CDIN1: variants seen among roughly 807,000 people sequenced by gnomAD.
CDIN1 encodes CDAN1 interacting nuclease 1.
CDIN1 carries 33 observed loss-of-function variants against 45.3 expected under a neutral mutation model. That is an observed-to-expected ratio of 0.73 (90% CI 0.55 to 0.97). The LOEUF is 0.97. CDIN1 is among the 50% of genes least tolerant of loss of function. The pLI, the probability that CDIN1 is intolerant of heterozygous loss-of-function variation, is 0.00. For synonymous variants in CDIN1, 118 were observed against 124.4 expected, an observed-to-expected ratio of 0.95 and a Z score of 0.34; for missense variants, 303 against 339.4, an observed-to-expected ratio of 0.89 and a Z score of 0.84.
rs147917175 is a variant in CDIN1, at chr15:36,618,983, C to T, written c.102-25295C>T. 170 of 1,535,964 alleles carry T rather than the reference C, an allele frequency of 1.1e-4. No individual in the cohort carries two copies. The African/African-American group carries it at 1.9e-3, about 17-fold the overall frequency. ...GTGTGCCAGAAGCCCCCTAAAGAGCCATCTTCAGTTCTTGTGTAGCCACTA... is the reference window on the plus strand; with the variant it reads ...GTGTGCCAGAAGCCCCCTAAAGAGCTATCTTCAGTTCTTGTGTAGCCACTA... On this transcript the variant is annotated intron_variant, in intron 1 of 10. Transcript: ENST00000566621.
rs985918739 is a variant in CDIN1, at chr15:36,692,228, GGA to G, written c.476+56_476+57del. 2.0e-6 allele frequency: 3 copies of G among 1,512,488 alleles called. No individual in the cohort carries two copies. In the African/African-American group the frequency reaches 4.1e-5, roughly 21 times the overall value. 93.7% of individuals were successfully genotyped at this position (1,512,488 alleles called of 1,614,324 possible). On this transcript the variant is annotated intron_variant, in intron 7 of 10. Coordinates refer to ENST00000566621, the MANE Select transcript of CDIN1 (RefSeq NM_001321759.2). ...CGCAATTGACGAGCTTAGACTCAGT[GGA>G]GATGTGTCTAGCTTTAACCTGACAT...
chr15:36,758,995 T>C (rs1451152615), intron 10 of CDIN1, among the ~76,000 whole-genome samples: 1 of 152,150 alleles, frequency 6.6e-6, no homozygotes, highest in Non-Finnish European at 1.5e-5. Context: ...GTGAGAGTGG[T>C]TGGGATAGGG....
chr15:36,644,453 A>G (rs1595411610), intron 2 of CDIN1, 130 bp downstream of exon 2: 1 of 871,050 alleles, frequency 1.1e-6, no homozygotes, highest in Admixed American at 3.2e-5. Flanking sequence ...CACATCAAGC[A>G]CCGCCTGCGT....
intron 10 of CDIN1, among the ~76,000 whole-genome samples, chr15:36,736,780 C>G (rs1185250483): frequency 2.6e-5 from 4 of 152,198 alleles, no homozygotes; most frequent in African/African-American, 9.7e-5. Flanking sequence ...GTCTGACCTC[C>G]TCCTTTCCAG....
Position 36,579,897 on chromosome 15 carries a change from C to G in CDIN1, c.37C>G (p.Gln13Glu). The change falls in exon 1 of 11, where the codon CAG (glutamine) becomes GAG (glutamate). Residue 13 changes from glutamine (Q) to glutamate (E), a missense_variant. Physicochemically the swap from Gln to Glu is conservative, Grantham distance 29. Coordinates refer to ENST00000566621, the MANE Select transcript of CDIN1 (RefSeq NM_001321759.2). Reference protein sequence around the residue: ...LTKAQYDEIAQCLVSVPPTRQ... With the variant: ...LTKAQYDEIAECLVSVPPTRQ... ...CAAAGCTCAGTACGACGAGATAGCC[C>G]AGTGCCTAGTGTCTGTGCCGCCTAC... 6.2e-7 allele frequency: 1 copy of G among 1,613,996 alleles called. No individual in the cohort carries two copies. Among genetic ancestry groups the G allele is most frequent in the Non-Finnish European group, 8.5e-7 (1 of 1,179,894 alleles).
At chr15:36,642,620 C>A (rs552211050) in intron 1 of CDIN1, among the ~76,000 whole-genome samples, 1 of 152,304 alleles carries the variant, frequency 6.6e-6, no homozygotes, top group African/African-American at 2.4e-5. Flanking sequence ...AACTCCTGAC[C>A]AACTTCTCAT....
chr15:36,629,469 A>C (rs1286595183), intron 1 of CDIN1, among the ~76,000 whole-genome samples: 1 of 152,202 alleles, frequency 6.6e-6, no homozygotes, highest in Admixed American at 6.5e-5. Flanking sequence ...ACCATGGAGT[A>C]GAAAGATTAT....
At chr15:36,776,102 A>G (rs1336910536) in intron 10 of CDIN1, among the ~76,000 whole-genome samples, 1 of 152,250 alleles carries the variant, frequency 6.6e-6, no homozygotes, top group African/African-American at 2.4e-5. Context: ...TCTAGGAAGT[A>G]ACGACTAAAC....
At chr15:36,753,196 T>C (rs2053521217) in intron 10 of CDIN1, among the ~76,000 whole-genome samples, 1 of 152,172 alleles carries the variant, frequency 6.6e-6, no homozygotes, top group Non-Finnish European at 1.5e-5. Flanking sequence ...AAATTCATTT[T>C]AGGAACTCTC....
At chr15:36,771,124 A>T (rs2054065854) in intron 10 of CDIN1, among the ~76,000 whole-genome samples, 1 of 152,222 alleles carries the variant, frequency 6.6e-6, no homozygotes, top group African/African-American at 2.4e-5. Context: ...AACCCAGGCC[A>T]TTCTGTATCT....
chr15:36,654,249 G>T, intron 4 of CDIN1, 91 bp downstream of exon 4: 1 of 940,654 alleles, frequency 1.1e-6, no homozygotes, highest in Non-Finnish European at 1.6e-6. Flanking sequence ...ACTACCTTTG[G>T]AAAAAAAAAG....
chr15:36,640,156 G>A (rs546939189), intron 1 of CDIN1, among the ~76,000 whole-genome samples: 88 of 152,176 alleles, frequency 5.8e-4, no homozygotes, highest in African/African-American at 2.0e-3. Flanking sequence ...TTATATCAAA[G>A]TTTGTGTAGT....
At chr15:36,798,607 T>C (rs141021910) in intron 10 of CDIN1, 35 of 152,328 alleles carry the variant, frequency 2.3e-4, no homozygotes, top group African/African-American at 7.5e-4. Flanking sequence ...GAAATTCCAA[T>C]AATTTTTTAT....
intron 5 of CDIN1, among the ~76,000 whole-genome samples, chr15:36,674,004 A>G (rs1017573349): frequency 6.6e-6 from 1 of 152,066 alleles, no homozygotes; most frequent in Non-Finnish European, 1.5e-5. Flanking sequence ...AAAAGAATAT[A>G]TAGTTATGAA....
chr15:36,648,664 T>G (rs1291550348), intron 3 of CDIN1: 1 of 152,132 alleles, frequency 6.6e-6, no homozygotes, highest in African/African-American at 2.4e-5. Flanking sequence ...TCTCCTGACC[T>G]TGTGATCCGC....
intron 1 of CDIN1, among the ~76,000 whole-genome samples, chr15:36,612,713 T>G (rs1360607636): frequency 6.6e-6 from 1 of 152,156 alleles, no homozygotes; most frequent in Non-Finnish European, 1.5e-5. Context: ...GTATATGGCT[T>G]TTACAGATTT....
intron 8 of CDIN1, among the ~76,000 whole-genome samples, chr15:36,703,331 A>C (rs1287876006): frequency 7.4e-6 from 1 of 134,728 alleles, no homozygotes; most frequent in African/African-American, 2.9e-5. Flanking sequence ...CATATATCAG[A>C]TAGATCTATC....
rs547071609 is a variant in CDIN1, at chr15:36,765,279, C to T, written c.717-43045C>T. ...CCATGTTGGTCAGGCTGGTCTTGAA[C>T]TCCTGACCTCAAGTGATCCACCCAC... On this transcript the variant is annotated intron_variant, in intron 10 of 10. Transcript: ENST00000566621. 3.9e-5 allele frequency among the ~76,000 whole-genome samples: 6 copies of T among 152,148 alleles called. No homozygotes were observed. In the East Asian group the frequency reaches 1.2e-3, roughly 29 times the overall value.
chr15:36,747,639 T>C (rs1050648109), intron 10 of CDIN1, among the ~76,000 whole-genome samples: 3 of 152,188 alleles, frequency 2.0e-5, no homozygotes, highest in Admixed American at 6.5e-5. Flanking sequence ...TCACTCAGTG[T>C]TGAACACTAA....
Sources: allele counts gnomAD v4.1 joint callset (sites outside exome capture counted in the v4.1 genomes callset), GRCh38; gene constraint gnomAD v4.1.1; transcripts MANE v1.5; gene names NCBI Gene and HGNC (gene_info 2026-07-23, HGNC 2026-07-21).